The following NFKB1 variants were observed in gnomAD, a reference collection of about 807,000 sequenced individuals.
NFKB1 encodes nuclear factor NF-kappa-B p105 subunit.
A neutral mutation model predicts 105.1 loss-of-function variants in NFKB1; 9 were observed. That is an observed-to-expected ratio of 0.09 (90% CI 0.05 to 0.15). The LOEUF (loss-of-function observed/expected upper bound fraction) is 0.15, where lower values mean the gene tolerates loss of function less well. Among genes scored for constraint, NFKB1 ranks in the 10% least tolerant of loss-of-function variants. NFKB1 has a pLI of 1.00. For synonymous variants in NFKB1, 440 were observed against 442.2 expected, an observed-to-expected ratio of 1.00 and a Z score of 0.06; for missense variants, 830 against 1,203.7, an observed-to-expected ratio of 0.69 and a Z score of 4.59.
chr4:102,540,648 C>T (rs1384834976), intron 5 of NFKB1, among the ~76,000 whole-genome samples: 1 of 152,110 alleles, frequency 6.6e-6, no homozygotes, highest in Non-Finnish European at 1.5e-5. Context: ...TCATTGTTCC[C>T]TTAGCTTGTC....
At chr4:102,581,680 G>C (rs181342416) in intron 9 of NFKB1, among the ~76,000 whole-genome samples, 1 of 152,076 alleles carries the variant, frequency 6.6e-6, no homozygotes, top group African/African-American at 2.4e-5. Flanking sequence ...CACTTTCTCT[G>C]CCTACACTAG....
At chr4:102,577,949 C>G in intron 7 of NFKB1, 1 of 985,388 alleles carries the variant, frequency 1.0e-6, no homozygotes, top group Non-Finnish European at 1.2e-6. Flanking sequence ...CTCCGTGTCT[C>G]CGTTTTGCCT....
intron 5 of NFKB1, among the ~76,000 whole-genome samples, chr4:102,543,122 G>A (rs571695872): frequency 3.5e-4 from 54 of 152,236 alleles, no homozygotes; most frequent in African/African-American, 1.2e-3. Context: ...GACTCAGCAA[G>A]GAGTGCCAGG....
intron 2 of NFKB1, among the ~76,000 whole-genome samples, chr4:102,528,902 T>C (rs894116475): frequency 1.3e-5 from 2 of 152,160 alleles, no homozygotes; most frequent in African/African-American, 2.4e-5. Context: ...ATCAAGGTGT[T>C]GGCAGGGCTG....
chr4:102,520,106 C>G (rs945222227), intron 1 of NFKB1, among the ~76,000 whole-genome samples: 8 of 152,176 alleles, frequency 5.3e-5, no homozygotes, highest in African/African-American at 1.9e-4. Context: ...GTAGGACCAC[C>G]TATCCAGCTG....
chr4:102,527,563 T>C (rs2149115564), intron 2 of NFKB1, among the ~76,000 whole-genome samples: 1 of 152,316 alleles, frequency 6.6e-6, no homozygotes, highest in Admixed American at 6.5e-5. Flanking sequence ...ATTTATCACT[T>C]CGGGTGATAT....
Position 102,523,152 on chromosome 4 carries a change from C to G in NFKB1, c.-7-2360C>G, listed in dbSNP as rs117421214. ...AGGCCACAGTGAGTTTAGTTAATAT[C>G]CAAGATCACACAGCCAGCATGATAG... On this transcript the variant is annotated intron_variant, in intron 1 of 23. Coordinates refer to ENST00000226574, the MANE Select transcript of NFKB1 (RefSeq NM_003998.4). 4.6e-3 allele frequency among the ~76,000 whole-genome samples: 698 copies of G among 152,258 alleles called. 13 individuals are homozygous for G. In the East Asian group the frequency reaches 0.061, roughly 13 times the overall value.
intron 5 of NFKB1, among the ~76,000 whole-genome samples, chr4:102,558,417 A>AT (rs1343299126): frequency 1.3e-5 from 2 of 152,048 alleles, no homozygotes; most frequent in African/African-American, 4.8e-5. Flanking sequence ...TCAATTGGCC[A>AT]TTTTTTAAAA....
intron 4 of NFKB1, among the ~76,000 whole-genome samples, chr4:102,534,726 A>G (rs1284394786): frequency 6.6e-6 from 1 of 152,214 alleles, no homozygotes; most frequent in African/African-American, 2.4e-5. Flanking sequence ...GACTGAGGAT[A>G]TGGATACCTG....
At chr4:102,523,953 A>C (rs1383041990) in intron 1 of NFKB1, among the ~76,000 whole-genome samples, 1 of 152,104 alleles carries the variant, frequency 6.6e-6, no homozygotes, top group Non-Finnish European at 1.5e-5. Context: ...ATGGAAAAGG[A>C]GACAACATAT....
chr4:102,553,347 A>C (rs1355657189), intron 5 of NFKB1, among the ~76,000 whole-genome samples: 1 of 152,202 alleles, frequency 6.6e-6, no homozygotes, highest in Non-Finnish European at 1.5e-5. Flanking sequence ...AGAAAAAAGA[A>C]ATCAGTGATA....
At chr4:102,510,082 A>G (rs575179885) in intron 1 of NFKB1, among the ~76,000 whole-genome samples, 1 of 152,212 alleles carries the variant, frequency 6.6e-6, no homozygotes, top group East Asian at 1.9e-4. Context: ...CCTGTATGAG[A>G]AGTGCCTTTT....
intron 7 of NFKB1, 109 bp from the exon 8 acceptor site, chr4:102,578,771 GA>G: frequency 8.6e-7 from 1 of 1,160,074 alleles, no homozygotes; most frequent in Non-Finnish European, 1.2e-6. Context: ...TTCAAAAGAG[GA>G]AAAATGGGTT....
chr4:102,507,275 T>A (rs1205738834), intron 1 of NFKB1, among the ~76,000 whole-genome samples: 2 of 152,050 alleles, frequency 1.3e-5, no homozygotes, highest in Non-Finnish European at 2.9e-5. Context: ...TTTTTGTGTG[T>A]TCCCTTACGA....
rs913404082 is a variant in NFKB1, at chr4:102,602,496, G to A, written c.1752+1487G>A. ...TGAGCTTGCAATGAGGCGAGATCGC[G>A]CCACTGCACTCCAGCCTGGGTGACA... On this transcript the variant is annotated intron_variant, in intron 16 of 23. Transcript: ENST00000226574. 5.3e-5 allele frequency among the ~76,000 whole-genome samples: 8 copies of A among 150,666 alleles called. No homozygotes were observed. The East Asian group carries it at 1.2e-3, about 22-fold the overall frequency.
intron 20 of NFKB1, 126 bp from the exon 21 acceptor site, chr4:102,611,917 AT>A: frequency 1.4e-6 from 1 of 694,016 alleles, no homozygotes; most frequent in South Asian, 1.8e-5. Flanking sequence ...TCCTCTTGCC[AT>A]TCCTCCATCA....
intron 4 of NFKB1, among the ~76,000 whole-genome samples, chr4:102,537,211 AT>A (rs1484306781): frequency 5.3e-5 from 8 of 152,190 alleles, no homozygotes; most frequent in Non-Finnish European, 8.8e-5. Context: ...GTTAGATAGT[AT>A]TTAAGGGAAC....
intron 11 of NFKB1, among the ~76,000 whole-genome samples, chr4:102,587,914 C>A (rs1350344630): frequency 6.6e-6 from 1 of 152,124 alleles, no homozygotes; most frequent in Non-Finnish European, 1.5e-5. Flanking sequence ...TGGATCCAAA[C>A]TGTACAACCC....
intron 19 of NFKB1, among the ~76,000 whole-genome samples, chr4:102,609,114 C>T (rs1728117225): frequency 7.8e-6 from 1 of 127,776 alleles, no homozygotes; most frequent in South Asian, 2.5e-4. Flanking sequence ...AGTTTCACCA[C>T]TGCACTCCAG....
Sources: allele counts gnomAD v4.1 joint callset (sites outside exome capture counted in the v4.1 genomes callset), GRCh38; gene constraint gnomAD v4.1.1; transcripts MANE v1.5; gene names NCBI Gene and HGNC (gene_info 2026-07-23, HGNC 2026-07-21).